Variants in FAM171A1 observed in about 807,000 individuals in gnomAD.
FAM171A1 encodes protein FAM171A1.
Under a neutral mutation model 74.9 loss-of-function variants are expected in FAM171A1, and 23 were observed. The observed-to-expected ratio is 0.31, with a 90% CI of 0.22 to 0.44. FAM171A1 has a LOEUF of 0.44. Ranked by LOEUF, FAM171A1 falls within the 20% of genes least tolerant of loss-of-function variation. The probability of loss-of-function intolerance (pLI) is 1.00; values close to 1 mark genes in which losing one functional copy is unlikely to be tolerated. For synonymous variants in FAM171A1, 527 were observed against 505.7 expected (o/e 1.04, Z -0.57); for missense variants, 1,162 against 1,159.2 (o/e 1.00, Z -0.03).
At chr10:15,357,912 A>G (rs12264781) in intron 1 of FAM171A1, among the ~76,000 whole-genome samples, 17,374 of 152,266 alleles carry the variant, frequency 0.11, 1,019 homozygotes, top group Middle Eastern at 0.17. Flanking sequence ...TTACGGTCCC[A>G]TAATACCATC....
chr10:15,266,608 G>GT (rs1274245181), intron 3 of FAM171A1, among the ~76,000 whole-genome samples: 5 of 152,110 alleles, frequency 3.3e-5, no homozygotes, highest in Non-Finnish European at 5.9e-5. Flanking sequence ...GCTCACACCT[G>GT]TAACCCCAGC....
At chr10:15,333,026 C>A (rs1370535936) in intron 1 of FAM171A1, among the ~76,000 whole-genome samples, 1 of 152,194 alleles carries the variant, frequency 6.6e-6, no homozygotes, top group East Asian at 1.9e-4. Flanking sequence ...CATCACCAGC[C>A]CCATCAACCC....
chr10:15,218,412 C>T (rs1833994687), intron 6 of FAM171A1, among the ~76,000 whole-genome samples: 1 of 152,128 alleles, frequency 6.6e-6, no homozygotes, highest in Non-Finnish European at 1.5e-5. Flanking sequence ...CAGTACGATT[C>T]TTTATAAAAT....
At chr10:15,236,011 C>T (rs1452002379) in intron 5 of FAM171A1, among the ~76,000 whole-genome samples, 4 of 152,220 alleles carry the variant, frequency 2.6e-5, no homozygotes, top group Admixed American at 2.6e-4. Flanking sequence ...TAGGCTCACA[C>T]ACTAGACGAA....
At chr10:15,360,278 A>G (rs1835978730) in intron 1 of FAM171A1, among the ~76,000 whole-genome samples, 1 of 152,142 alleles carries the variant, frequency 6.6e-6, no homozygotes, top group South Asian at 2.1e-4. Context: ...CAGAGACTTG[A>G]CTGAACCATG....
intron 5 of FAM171A1, among the ~76,000 whole-genome samples, chr10:15,234,960 C>T (rs1363101630): frequency 6.6e-6 from 1 of 152,066 alleles, no homozygotes; most frequent in Non-Finnish European, 1.5e-5. Flanking sequence ...CCGTGCCGGG[C>T]CGATCAGAGG....
chr10:15,370,874 C>CCCG lies in FAM171A1; in HGVS notation c.97+79_97+81dup, dbSNP rs564269771. On this transcript the variant is annotated intron_variant, in intron 1 of 7. Transcript: ENST00000378116. Reference sequence around the variant, plus strand: ...TCGCCACCACGCGGCCCGGGACCCTCCCGCCGCCGCCGCCGCCGCCGCCGC... The same window carrying CCCG: ...TCGCCACCACGCGGCCCGGGACCCTCCCGCCGCCGCCGCCGCCGCCGCCGCCGC... The CCCG allele has an allele frequency of 2.3e-3, 1,533 of 656,388 alleles. 11 individuals carry two copies. The highest frequency in any genetic ancestry group is 0.015 in the African/African-American group (739 of 48,046). 40.7% of individuals were successfully genotyped at this position (656,388 alleles called of 1,614,324 possible).
chr10:15,331,736 T>C (rs1835633855), intron 1 of FAM171A1, among the ~76,000 whole-genome samples: 1 of 147,828 alleles, frequency 6.8e-6, no homozygotes, highest in Non-Finnish European at 1.5e-5. Context: ...TTTATATATA[T>C]GTGTGTGTGT....
At chr10:15,227,735 T>C (rs1246377729) in intron 5 of FAM171A1, among the ~76,000 whole-genome samples, 1 of 152,236 alleles carries the variant, frequency 6.6e-6, no homozygotes, top group Non-Finnish European at 1.5e-5. Context: ...TCGGAGATAT[T>C]TTCAAGTATA....
intron 1 of FAM171A1, among the ~76,000 whole-genome samples, chr10:15,292,976 C>A (rs941688590): frequency 2.6e-5 from 4 of 152,132 alleles, no homozygotes; most frequent in Admixed American, 6.5e-5. Context: ...TCGATCCCAG[C>A]CTCACCCCAA....
chr10:15,372,613 G>A (rs1347591313), upstream of FAM171A1, among the ~76,000 whole-genome samples: 6 of 144,540 alleles, frequency 4.2e-5, no homozygotes, highest in East Asian at 6.5e-4. Flanking sequence ...TGGGAGGATC[G>A]CTTGAACCTG....
At chr10:15,216,971 A>C (rs960385000) in intron 6 of FAM171A1, among the ~76,000 whole-genome samples, 3 of 152,206 alleles carry the variant, frequency 2.0e-5, no homozygotes, top group African/African-American at 7.2e-5. Context: ...AAAAGTCAGC[A>C]ACTTTTAACA....
Position 15,214,432 on chromosome 10 carries a change from C to T in FAM171A1, c.1156G>A (p.Glu386Lys), listed in dbSNP as rs765007765. 33 of 1,613,960 alleles carry T rather than the reference C, an allele frequency of 2.0e-5. No homozygotes were observed. Among genetic ancestry groups the T allele is most frequent in the Non-Finnish European group, 2.6e-5 (31 of 1,180,028 alleles). Residue 386 changes from glutamate (E) to lysine (K), a missense_variant, in exon 8 of 8, where the codon GAG becomes AAG. Coordinates refer to ENST00000378116, the MANE Select transcript of FAM171A1 (RefSeq NM_001010924.2). The part of the protein sequence containing the change: ...PLSVTSHGRP[E>K]APGTKELMSG... Reference sequence around the variant, plus strand: ...ATCAGTTCCTTCGTGCCGGGGGCCTCGGGGCGGCCGTGGCTGGTGACGGAC... The same window carrying T: ...ATCAGTTCCTTCGTGCCGGGGGCCTTGGGGCGGCCGTGGCTGGTGACGGAC...
chr10:15,287,130 T>G (rs1359631047), intron 1 of FAM171A1, among the ~76,000 whole-genome samples: 1 of 149,994 alleles, frequency 6.7e-6, no homozygotes, highest in Admixed American at 6.6e-5. Flanking sequence ...CTCACTCTGT[T>G]GCCCAGGCTA....
At chr10:15,355,922 T>G in intron 1 of FAM171A1, among the ~76,000 whole-genome samples, 1 of 151,806 alleles carries the variant, frequency 6.6e-6, no homozygotes. Context: ...TAAATACACA[T>G]GCACACACAC....
At chr10:15,317,474 G>A (rs1279879211) in intron 1 of FAM171A1, among the ~76,000 whole-genome samples, 3 of 151,848 alleles carry the variant, frequency 2.0e-5, no homozygotes, top group South Asian at 2.1e-4. Context: ...CAGCTTCTAC[G>A]ACCTCCACTT....
At chr10:15,367,118 G>C (rs1394154673) in intron 1 of FAM171A1, among the ~76,000 whole-genome samples, 1 of 152,194 alleles carries the variant, frequency 6.6e-6, no homozygotes, top group Non-Finnish European at 1.5e-5. Context: ...AGAATGGCGT[G>C]AACCTGGGAG....
intron 2 of FAM171A1, among the ~76,000 whole-genome samples, chr10:15,283,637 T>G (rs963051083): frequency 2.0e-5 from 3 of 152,228 alleles, no homozygotes; most frequent in Non-Finnish European, 2.9e-5. Flanking sequence ...CAGGCTAGAC[T>G]GCAGTGGTGT....
chr10:15,211,648 CT>C lies in FAM171A1; in HGVS notation c.*1266del, dbSNP rs1357438176. The C allele has an allele frequency of 1.1e-4, 16 of 152,050 alleles. No individual in the cohort carries two copies. The highest frequency in any genetic ancestry group is 2.2e-4 in the Non-Finnish European group (15 of 68,016). 9.4% of individuals were successfully genotyped at this position (152,050 alleles called of 1,614,324 possible). On this transcript the variant is annotated 3_prime_UTR_variant, in exon 8 of 8. Transcript: ENST00000378116. ...TCAAATGACCACAAAGACAGTTTTC[CT>C]TTTCTTCAGAGTTTATTTTGAATTT...
Sources: allele counts gnomAD v4.1 joint callset (sites outside exome capture counted in the v4.1 genomes callset), GRCh38; gene constraint gnomAD v4.1.1; transcripts MANE v1.5; gene names NCBI Gene and HGNC (gene_info 2026-07-23, HGNC 2026-07-21).